Variants in TGIF2 observed in about 807,000 individuals in gnomAD.
The protein encoded by TGIF2 is TGFB induced factor homeobox 2.
Under a neutral mutation model 15.1 loss-of-function variants are expected in TGIF2, and 5 were observed. That is an observed-to-expected ratio of 0.33 (90% CI 0.17 to 0.70). The LOEUF is 0.70. Among genes scored for constraint, TGIF2 ranks in the 30% least tolerant of loss-of-function variants. TGIF2 has a pLI of 0.67. For missense variants in TGIF2, 264 were observed against 302.5 expected (o/e 0.87, Z 0.94); for synonymous variants, 131 against 128.9 (o/e 1.02, Z -0.11).
chr20:36,590,838 T>C lies in TGIF2; in HGVS notation c.193-72T>C, dbSNP rs1302028849. ...CCACCCAAAGTGTTGGGATTACAGG[T>C]GTGAGCCACTGTGCCCAGCCCATAG... On this transcript the variant is annotated intron_variant, in intron 2 of 2. Transcript: ENST00000373872. The C allele has an allele frequency of 2.7e-6, 4 of 1,462,400 alleles. No homozygotes were observed. The Admixed American group carries it at 9.5e-5, about 35-fold the overall frequency. 90.6% of individuals were successfully genotyped at this position (1,462,400 alleles called of 1,614,324 possible).
intron 1 of TGIF2, among the ~76,000 whole-genome samples, chr20:36,576,689 T>C (rs550936733): frequency 6.6e-6 from 1 of 152,230 alleles, no homozygotes; most frequent in East Asian, 1.9e-4. Flanking sequence ...ACCATCACTA[T>C]AGTCAATTTT....
intron 2 of TGIF2, among the ~76,000 whole-genome samples, chr20:36,581,121 C>T (rs958744091): frequency 3.3e-5 from 5 of 152,056 alleles, no homozygotes; most frequent in African/African-American, 9.7e-5. Context: ...GAACAAGACT[C>T]GGTCTCAAAA....
intron 2 of TGIF2, among the ~76,000 whole-genome samples, chr20:36,579,188 T>C (rs1315881675): frequency 6.6e-6 from 1 of 152,142 alleles, no homozygotes; most frequent in African/African-American, 2.4e-5. Flanking sequence ...TCCTTTTTTT[T>C]TGAGACGGAG....
At chr20:36,580,088 G>T (rs1301673963) in intron 2 of TGIF2, among the ~76,000 whole-genome samples, 1 of 152,036 alleles carries the variant, frequency 6.6e-6, no homozygotes, top group Non-Finnish European at 1.5e-5. Flanking sequence ...GGCCCCCACT[G>T]CTCCCTTCCT....
At chr20:36,584,585 C>T (rs907217537) in intron 2 of TGIF2, among the ~76,000 whole-genome samples, 8 of 149,502 alleles carry the variant, frequency 5.4e-5, no homozygotes, top group African/African-American at 1.5e-4. Context: ...GTCACTCTGT[C>T]GCCCAGGCTG....
chr20:36,585,014 C>T (rs1297946099), intron 2 of TGIF2, among the ~76,000 whole-genome samples: 1 of 151,896 alleles, frequency 6.6e-6, no homozygotes, highest in African/African-American at 2.4e-5. Flanking sequence ...CTGACCAACA[C>T]GGAGAAACCC....
At chr20:36,582,231 G>A (rs997224859) in intron 2 of TGIF2, among the ~76,000 whole-genome samples, 4 of 151,556 alleles carry the variant, frequency 2.6e-5, no homozygotes, top group East Asian at 1.9e-4. Flanking sequence ...AGCGAAACTC[G>A]GTCTCAAAAA....
At chr20:36,585,838 G>A (rs554295113) in intron 2 of TGIF2, among the ~76,000 whole-genome samples, 1 of 152,250 alleles carries the variant, frequency 6.6e-6, no homozygotes, top group South Asian at 2.1e-4. Flanking sequence ...CAATGGTTGG[G>A]GATATACCAC....
rs1600787067 is a variant in TGIF2, at chr20:36,592,206, G to A, written c.*775G>A. The A allele has an allele frequency of 6.6e-6, 1 of 151,752 alleles. No homozygotes were observed. The highest frequency in any genetic ancestry group is 2.4e-5 in the African/African-American group (1 of 41,298). 9.4% of individuals were successfully genotyped at this position (151,752 alleles called of 1,614,324 possible). A position where few individuals can be genotyped will look rare whatever the true frequency, so the allele number is the denominator to read the frequency against. ...AACAACCGTATGAGCGCATTGGCTT[G>A]TCTGCCGCAGGCACAGAAGGGTAGA... is the stretch of plus-strand genomic sequence containing the variant. On this transcript the variant is annotated 3_prime_UTR_variant, in exon 3 of 3. Coordinates refer to ENST00000373872, the MANE Select transcript of TGIF2 (RefSeq NM_021809.7).
intron 1 of TGIF2, among the ~76,000 whole-genome samples, chr20:36,575,383 C>G (rs1334720210): frequency 6.6e-6 from 1 of 151,682 alleles, no homozygotes. Flanking sequence ...CCAGGGCCCA[C>G]CCGGGGAACC....
chr20:36,591,353 G>A lies in TGIF2; in HGVS notation c.636G>A (p.Met212Ile). 4.3e-6 allele frequency: 7 copies of A among 1,614,184 alleles called. No individual in the cohort carries two copies. Among genetic ancestry groups the A allele is most frequent in the Non-Finnish European group, 5.9e-6 (7 of 1,180,038 alleles). ...TGGCGCTACAGAGGGCTGCTGAGAT[G>A]GAGCTTCAGAAGCAGCAGGACCCAT... ...VEVALQRAAE[M>I]ELQKQQDPSL... Residue 212 changes from methionine to isoleucine, a missense_variant, in exon 3 of 3, where the codon ATG (methionine) becomes ATA (isoleucine). Physicochemically the swap from Met to Ile is conservative, Grantham distance 10. Transcript: ENST00000373872. The surrounding 1 kb of genome is among the most constrained non-coding windows in gnomAD (Gnocchi z 5.3).
chr20:36,581,695 G>A (rs1329713832), intron 2 of TGIF2, among the ~76,000 whole-genome samples: 1 of 152,066 alleles, frequency 6.6e-6, no homozygotes, highest in African/African-American at 2.4e-5. Context: ...GTGGTGCGAT[G>A]TCAGCTCACT....
intron 2 of TGIF2, among the ~76,000 whole-genome samples, chr20:36,590,429 T>A (rs2038745750): frequency 6.6e-6 from 1 of 152,210 alleles, no homozygotes; most frequent in Admixed American, 6.5e-5. Flanking sequence ...AATTTTTGTA[T>A]TTTTAGTAGA....
In TGIF2 at chr20:36,590,772, T is replaced by G. The variant is rs777785373; in HGVS notation, c.193-138T>G. ...CAGGGTCTCCCTGTGTTGCCCAGGCTGGTCTTGAACTCCTGGGCTTAAGCA... is the reference window on the plus strand; with the variant it reads ...CAGGGTCTCCCTGTGTTGCCCAGGCGGGTCTTGAACTCCTGGGCTTAAGCA... On this transcript the variant is annotated intron_variant, in intron 2 of 2. Coordinates refer to ENST00000373872, the MANE Select transcript of TGIF2 (RefSeq NM_021809.7). 1.3e-4 allele frequency: 110 copies of G among 866,474 alleles called. 1 individual carries two copies. The highest frequency in any genetic ancestry group is 1.7e-4 in the Non-Finnish European group (103 of 591,246). 53.7% of individuals were successfully genotyped at this position (866,474 alleles called of 1,614,324 possible). A position where few individuals can be genotyped will look rare whatever the true frequency, so the allele number is the denominator to read the frequency against.
Position 36,590,945 on chromosome 20 carries a change from T to A in TGIF2, c.228T>A (p.Leu76=), listed in dbSNP as rs929784212. The change falls in exon 3 of 3, where the codon CTT becomes CTA. Residue 76 remains leucine, a synonymous_variant. Transcript: ENST00000373872. ...CNWFINARRR[L]LPDMLRKDGK... is the part of the protein sequence containing the mutation. ...GGTTCATCAATGCCCGGCGGCGGCT[T>A]CTCCCAGACATGCTTCGGAAGGATG... 2.0e-6 allele frequency: 3 copies of A among 1,520,648 alleles called. No homozygotes were observed. Among genetic ancestry groups the A allele is most frequent in the Non-Finnish European group, 1.8e-6 (2 of 1,132,554 alleles). 94.2% of individuals were successfully genotyped at this position (1,520,648 alleles called of 1,614,324 possible).
At chr20:36,577,609 C>G (rs1161045917) in intron 1 of TGIF2, among the ~76,000 whole-genome samples, 1 of 151,152 alleles carries the variant, frequency 6.6e-6, no homozygotes, top group Non-Finnish European at 1.5e-5. Context: ...ACGTCCACCT[C>G]CCAGGTTCAA....
chr20:36,574,957 G>C (rs1190121927), intron 1 of TGIF2: 2 of 152,934 alleles, frequency 1.3e-5, no homozygotes, highest in African/African-American at 4.8e-5. Context: ...AGGGTGTACG[G>C]GATGTTGTGT....
chr20:36,582,037 A>G (rs1363173027), intron 2 of TGIF2, among the ~76,000 whole-genome samples: 1 of 152,086 alleles, frequency 6.6e-6, no homozygotes, highest in East Asian at 1.9e-4. Context: ...GGAGTTCAAG[A>G]CCAGCCTGAC....
rs1174866658 is a variant in TGIF2, at chr20:36,586,701, C to CA, written c.193-4209_193-4208insA. 3.4e-5 allele frequency among the ~76,000 whole-genome samples: 5 copies of CA among 148,096 alleles called. No homozygotes were observed. In the East Asian group the frequency reaches 6.0e-4, roughly 18 times the overall value. ...AGAAGTGAGACTCCATTTCCCCCCC[C>CA]CCAAAAAAAAAAATCTCCCCTAAGG... On this transcript the variant is annotated intron_variant, in intron 2 of 2. Transcript: ENST00000373872.
Sources: gnomAD v4.1 joint callset for allele counts (sites outside exome capture counted in the v4.1 genomes callset) on GRCh38, gnomAD v4.1.1 for gene constraint, Gnocchi (gnomAD v3.1) non-coding constraint, MANE v1.5 for transcripts, NCBI Gene and HGNC (gene_info 2026-07-23, HGNC 2026-07-21) for gene names.